HTR2B: variants seen among roughly 807,000 people sequenced by gnomAD.
The protein encoded by HTR2B is 5-HT 2B receptor.
A neutral mutation model predicts 39.8 loss-of-function variants in HTR2B; 31 were observed. The ratio of observed to expected loss-of-function variants is 0.78; its 90% CI spans 0.58 to 1.05. HTR2B has a LOEUF of 1.05. HTR2B is among the 50% of genes least tolerant of loss of function. The pLI is 0.00. For missense variants in HTR2B, 562 were observed against 578.0 expected (o/e 0.97, Z 0.28); for synonymous variants, 210 against 207.1 (o/e 1.01, Z -0.12).
chr2:231,124,402 A>G (rs1695665462), intron 1 of HTR2B, among the ~76,000 whole-genome samples: 1 of 152,194 alleles, frequency 6.6e-6, no homozygotes, highest in South Asian at 2.1e-4. Flanking sequence ...AAGTCGAAAC[A>G]CAATAGTTCA....
chr2:231,123,342 A>G, intron 2 of HTR2B, 71 bp downstream of exon 2: 1 of 1,079,590 alleles, frequency 9.3e-7, no homozygotes, highest in South Asian at 1.3e-5. Flanking sequence ...TAAAGATTAA[A>G]TGAGTGTCCA....
At chr2:231,111,415 C>G (rs1353675199) in intron 3 of HTR2B, among the ~76,000 whole-genome samples, 1 of 152,152 alleles carries the variant, frequency 6.6e-6, no homozygotes, top group African/African-American at 2.4e-5. Flanking sequence ...TTTTTACATT[C>G]TGTTAATATC....
rs1374782462 is a variant in HTR2B, at chr2:231,123,465, A to G, written c.300T>C (p.Asp100=). ...GCATCACAAACAATCCAACCAGCAA[A>G]TCAGCCACCGCCAAGGACATTAGAA... ...NYFLMSLAVA[D]LLVGLFVMPI... is the part of the protein sequence containing the mutation. Residue 100 remains aspartate, a synonymous_variant, in exon 2 of 4, where the codon GAT becomes GAC. Transcript: ENST00000258400. 6.2e-7 allele frequency: 1 copy of G among 1,614,074 alleles called. No homozygotes were observed. Among genetic ancestry groups the G allele is most frequent in the Non-Finnish European group, 8.5e-7 (1 of 1,179,950 alleles).
chr2:231,114,708 T>C (rs965383915), intron 2 of HTR2B, among the ~76,000 whole-genome samples: 4 of 152,234 alleles, frequency 2.6e-5, no homozygotes, highest in Non-Finnish European at 4.4e-5. Flanking sequence ...TTAAGCACTT[T>C]AGAAATATTA....
chr2:231,120,624 G>C (rs941913931), intron 2 of HTR2B, among the ~76,000 whole-genome samples: 2 of 152,210 alleles, frequency 1.3e-5, no homozygotes, highest in Non-Finnish European at 2.9e-5. Context: ...ATCAGTGGTT[G>C]AATAAAATAT....
At chr2:231,112,128 T>G (rs1285639788) in intron 3 of HTR2B, among the ~76,000 whole-genome samples, 1 of 152,152 alleles carries the variant, frequency 6.6e-6, no homozygotes, top group Non-Finnish European at 1.5e-5. Context: ...CCTTTCTCTG[T>G]CCAACTCTCC....
At position 231,117,196 on chromosome 2, in the gene HTR2B, T is replaced by C. The variant is rs376875520; in HGVS notation, c.353-3267A>G. Among the ~76,000 whole-genome samples the C allele has an allele frequency of 8.7e-4, 133 of 152,218 alleles. 1 individual carries two copies. Among genetic ancestry groups the C allele is most frequent in the African/African-American group, 3.0e-3 (123 of 41,588 alleles). ...AGGTTAAGTTGGTATGGTGAAATAC[T>C]TTATTTCAAAACGTTTATTTTAGGA... On this transcript the variant is annotated intron_variant, in intron 2 of 3. Coordinates refer to ENST00000258400, the MANE Select transcript of HTR2B (RefSeq NM_000867.5).
chr2:231,108,977 A>C lies in HTR2B; in HGVS notation c.986T>G (p.Val329Gly). The change falls in exon 4 of 4, where the codon GTG becomes GGG. Residue 329 changes from valine (V) to glycine (G), a missense_variant. Val to Gly is a moderately radical substitution (Grantham distance 109). Coordinates refer to ENST00000258400, the MANE Select transcript of HTR2B (RefSeq NM_000867.5). The part of the protein sequence containing the change: ...EQRASKVLGI[V>G]FFLFLLMWCP... ...CCACATAAGCAAAAAGAGGAAAAAC[A>C]CAATCCCTAGGACCTTTGAGGCTCT... is the stretch of plus-strand genomic sequence containing the variant. The C allele has an allele frequency of 5.0e-6, 8 of 1,614,212 alleles. No individual in the cohort carries two copies. The highest frequency in any genetic ancestry group is 6.8e-6 in the Non-Finnish European group (8 of 1,180,026).
chr2:231,117,031 T>TA (rs1559237613), intron 2 of HTR2B, among the ~76,000 whole-genome samples: 5 of 152,158 alleles, frequency 3.3e-5, no homozygotes, highest in Admixed American at 3.3e-4. Flanking sequence ...TTATAGAAAT[T>TA]AAAAACAGTT....
Position 231,109,395 on chromosome 2 carries a change from C to A in HTR2B, c.568G>T (p.Val190Phe). 6.2e-7 allele frequency: 1 copy of A among 1,613,892 alleles called. No homozygotes were observed. The highest frequency in any genetic ancestry group is 8.5e-7 in the Non-Finnish European group (1 of 1,179,810). ...WLISIGIAIP[V>F]PIKGIETDVD... ...TCAGTCTCTATCCCTTTAATAGGGACTGGAATGGCAATGCCTAAGGAAGAG... is the reference window on the plus strand; with the variant it reads ...TCAGTCTCTATCCCTTTAATAGGGAATGGAATGGCAATGCCTAAGGAAGAG... Residue 190 changes from valine to phenylalanine, a missense_variant, in exon 4 of 4, where the codon GTC becomes TTC. Val to Phe is a conservative substitution (Grantham distance 50). Coordinates refer to ENST00000258400, the MANE Select transcript of HTR2B (RefSeq NM_000867.5).
Position 231,108,813 on chromosome 2 carries a change from T to C in HTR2B, c.1150A>G (p.Asn384Asp). ...CCAAATGCATCCCGAAATGTCTTATTGAAGAGGGTGTAGACCAAAGGATTC... is the reference window on the plus strand; with the variant it reads ...CCAAATGCATCCCGAAATGTCTTATCGAAGAGGGTGTAGACCAAAGGATTC... ...GVNPLVYTLF[N>D]KTFRDAFGRY... The change falls in exon 4 of 4, where the codon AAT (asparagine) becomes GAT (aspartate). Residue 384 changes from asparagine (N) to aspartate (D), a missense_variant. Asn to Asp is a conservative substitution (Grantham distance 23). Transcript: ENST00000258400. 1 of 1,614,162 alleles carries C rather than the reference T, an allele frequency of 6.2e-7. No homozygotes were observed. Among genetic ancestry groups the C allele is most frequent in the South Asian group, 1.1e-5 (1 of 91,078 alleles).
chr2:231,114,961 C>G (rs1375195397), intron 2 of HTR2B, among the ~76,000 whole-genome samples: 1 of 152,112 alleles, frequency 6.6e-6, no homozygotes, highest in East Asian at 1.9e-4. Context: ...GTGAGATTAT[C>G]TAAGTCTCTT....
chr2:231,118,572 GGTTTGGGTATTTTTTT>G (rs1452718335), intron 2 of HTR2B, among the ~76,000 whole-genome samples: 6 of 152,148 alleles, frequency 3.9e-5, no homozygotes, highest in African/African-American at 1.2e-4. Context: ...GTTTTTTGTT[GGTTTGGGTATTTTTTT>G]GTTTGTTTTT....
intron 2 of HTR2B, among the ~76,000 whole-genome samples, chr2:231,121,767 C>G (rs1284606293): frequency 6.6e-6 from 1 of 152,132 alleles, no homozygotes; most frequent in East Asian, 1.9e-4. Flanking sequence ...TATTTATGGA[C>G]TCAAAGATTT....
chr2:231,117,341 TAAATG>T (rs1410757007), intron 2 of HTR2B, among the ~76,000 whole-genome samples: 2 of 152,042 alleles, frequency 1.3e-5, no homozygotes, highest in Non-Finnish European at 2.9e-5. Flanking sequence ...GTTACATACT[TAAATG>T]GAAAGAAAGA....
chr2:231,115,237 T>G (rs754767308), intron 2 of HTR2B, among the ~76,000 whole-genome samples: 1 of 151,862 alleles, frequency 6.6e-6, no homozygotes, highest in Non-Finnish European at 1.5e-5. Flanking sequence ...TAGATAGATT[T>G]GGCTGTTATT....
intron 2 of HTR2B, among the ~76,000 whole-genome samples, chr2:231,115,691 A>G (rs1041601658): frequency 2.6e-5 from 4 of 152,162 alleles, no homozygotes; most frequent in Non-Finnish European, 5.9e-5. Flanking sequence ...AAATTCAGGT[A>G]TAATTAAGTC....
chr2:231,115,203 A>G (rs1695288411), intron 2 of HTR2B, among the ~76,000 whole-genome samples: 1 of 151,922 alleles, frequency 6.6e-6, no homozygotes, highest in Admixed American at 6.6e-5. Flanking sequence ...AAAAAAAAAA[A>G]GCATAATTTA....
At chr2:231,119,318 T>C (rs1021213425) in intron 2 of HTR2B, among the ~76,000 whole-genome samples, 5 of 152,216 alleles carry the variant, frequency 3.3e-5, no homozygotes, top group African/African-American at 9.6e-5. Context: ...AAATCATATT[T>C]AATTTGCATG....
Sources: allele counts gnomAD v4.1 joint callset (sites outside exome capture counted in the v4.1 genomes callset), GRCh38; gene constraint gnomAD v4.1.1; transcripts MANE v1.5; gene names NCBI Gene and HGNC (gene_info 2026-07-23, HGNC 2026-07-21).